The following METTL16 variants were observed in gnomAD, a reference collection of about 807,000 sequenced individuals.
METTL16 encodes methyltransferase 16, RNA N6-adenosine, also known as RNA N(6)-adenosine-methyltransferase METTL16.
In METTL16, 19 loss-of-function variants were observed where a neutral mutation model predicts 57.9. That is an observed-to-expected ratio of 0.33 (90% CI 0.23 to 0.48). The LOEUF (loss-of-function observed/expected upper bound fraction) is 0.48. Among genes scored for constraint, METTL16 ranks in the 20% least tolerant of loss-of-function variants. The pLI is 0.99. For synonymous variants in METTL16, 246 were observed against 255.6 expected (o/e 0.96, Z 0.36); for missense variants, 434 against 691.5 (o/e 0.63, Z 4.18).
At chr17:2,447,614 C>T (rs2067013885) in intron 6 of METTL16, among the ~76,000 whole-genome samples, 1 of 114,180 alleles carries the variant, frequency 8.8e-6, no homozygotes, top group African/African-American at 4.3e-5. Flanking sequence ...GCCGCCCAGT[C>T]CGGGAGGTGA....
intron 6 of METTL16, among the ~76,000 whole-genome samples, chr17:2,442,719 G>A (rs575598695): frequency 6.6e-6 from 1 of 152,260 alleles, no homozygotes; most frequent in East Asian, 1.9e-4. Flanking sequence ...TAAAGGGTGT[G>A]AAGAGGTATA....
At chr17:2,510,364 C>T (rs1464153054) in intron 1 of METTL16, among the ~76,000 whole-genome samples, 2 of 152,136 alleles carry the variant, frequency 1.3e-5, no homozygotes, top group Non-Finnish European at 2.9e-5. Flanking sequence ...TCACCATATC[C>T]TAACAGTGAC....
chr17:2,420,546 T>G lies in METTL16; in HGVS notation c.1113A>C (p.Leu371=). The G allele has an allele frequency of 6.2e-7, 1 of 1,613,534 alleles. No individual in the cohort carries two copies. The highest frequency in any genetic ancestry group is 1.6e-4 in the Middle Eastern group (1 of 6,062). ...PCGKEEVSLF[L]TAIENSWIHL... ...GAATCCAGGAGTTTTCTATGGCCGT[T>G]AGGAAAAGGCTGACTTCCTCTTTTC... The change falls in exon 10 of 10, where the codon CTA becomes CTC. Residue 371 remains leucine, a synonymous_variant. Transcript: ENST00000263092. The surrounding 1 kb of genome is among the most constrained non-coding windows in gnomAD (Gnocchi z 5.4).
chr17:2,444,502 A>G (rs995133821), intron 6 of METTL16, among the ~76,000 whole-genome samples: 2 of 152,140 alleles, frequency 1.3e-5, no homozygotes, highest in African/African-American at 4.8e-5. Flanking sequence ...AAAAATTCCT[A>G]TTGCCTAGTG....
chr17:2,462,297 C>T (rs2067155371), intron 6 of METTL16, among the ~76,000 whole-genome samples: 1 of 152,118 alleles, frequency 6.6e-6, no homozygotes, highest in African/African-American at 2.4e-5. Context: ...AGACAGACAG[C>T]AGAATGATGG....
intron 6 of METTL16, among the ~76,000 whole-genome samples, chr17:2,445,216 C>T (rs1411776967): frequency 6.6e-6 from 1 of 152,070 alleles, no homozygotes; most frequent in Non-Finnish European, 1.5e-5. Context: ...CAAAACTTAC[C>T]ACTGTGCTAA....
At chr17:2,497,284 G>A (rs1266803536) in intron 2 of METTL16, among the ~76,000 whole-genome samples, 1 of 149,286 alleles carries the variant, frequency 6.7e-6, no homozygotes, top group African/African-American at 2.5e-5. Context: ...GGGTTTACAG[G>A]CGTGCGCCAC....
chr17:2,486,668 C>A (rs574752629), intron 2 of METTL16, among the ~76,000 whole-genome samples: 1 of 151,988 alleles, frequency 6.6e-6, no homozygotes, highest in African/African-American at 2.4e-5. Flanking sequence ...TACTGCTATA[C>A]CTGCGTTAAG....
At chr17:2,462,125 G>A (rs989686261) in intron 6 of METTL16, among the ~76,000 whole-genome samples, 12 of 152,088 alleles carry the variant, frequency 7.9e-5, no homozygotes, top group East Asian at 1.9e-4. Context: ...ACGGATAAAC[G>A]AAATGTGGCA....
chr17:2,446,679 G>A (rs1374781073), intron 6 of METTL16, among the ~76,000 whole-genome samples: 6 of 151,016 alleles, frequency 4.0e-5, no homozygotes, highest in South Asian at 2.1e-4. Flanking sequence ...GGACGGTGCT[G>A]CTGCCATCTC....
At chr17:2,451,829 C>A (rs540444707) in intron 6 of METTL16, among the ~76,000 whole-genome samples, 2 of 152,036 alleles carry the variant, frequency 1.3e-5, no homozygotes, top group South Asian at 4.2e-4. Context: ...CTATCAGAAG[C>A]CAAGAAGCGG....
intron 8 of METTL16, among the ~76,000 whole-genome samples, chr17:2,435,019 A>T (rs1454349426): frequency 2.6e-5 from 4 of 152,234 alleles, no homozygotes; most frequent in Non-Finnish European, 5.9e-5. Flanking sequence ...TGGAACAAAG[A>T]GGTAAGTGGC....
chr17:2,473,230 C>T (rs1365403492), intron 4 of METTL16, among the ~76,000 whole-genome samples: 4 of 151,634 alleles, frequency 2.6e-5, no homozygotes, highest in African/African-American at 4.8e-5. Context: ...GGGGTTATAG[C>T]GAATAAAGAA....
intron 4 of METTL16, among the ~76,000 whole-genome samples, chr17:2,468,925 GTGT>G (rs1232317750): frequency 3.0e-5 from 4 of 132,508 alleles, no homozygotes; most frequent in South Asian, 2.5e-4. Context: ...TTGTGTGTGT[GTGT>G]TTTTTTTTTC....
chr17:2,425,477 A>AGC lies in METTL16; in HGVS notation c.889-4575_889-4574dup, dbSNP rs755097441. On this transcript the variant is annotated intron_variant, in intron 8 of 9. Transcript: ENST00000263092. The stretch of plus-strand genomic sequence containing the variant: ...ATTACAATGTGAGAGAAGCCTGGTG[A>AGC]GCAGTCGTAGGTCTGCAGAGACCAC... 6.5e-4 allele frequency among the ~76,000 whole-genome samples: 99 copies of AGC among 152,342 alleles called. 1 individual carries two copies. Among genetic ancestry groups the AGC allele is most frequent in the Non-Finnish European group, 5.4e-4 (37 of 68,036 alleles).
chr17:2,447,412 G>A (rs1219631669), intron 6 of METTL16, among the ~76,000 whole-genome samples: 192 of 139,176 alleles, frequency 1.4e-3, no homozygotes, highest in African/African-American at 5.2e-3. Context: ...AGTGAGGAGC[G>A]TCTCCGCCCG....
chr17:2,420,960 T>A lies in METTL16; in HGVS notation c.889-56A>T. 1 of 1,572,540 alleles carries A rather than the reference T, an allele frequency of 6.4e-7. No homozygotes were observed. The highest frequency in any genetic ancestry group is 1.2e-5 in the South Asian group (1 of 86,900). On this transcript the variant is annotated intron_variant, in intron 8 of 9. Transcript: ENST00000263092. This position sits in a 1 kb window ranked among gnomAD's most constrained non-coding sequence, Gnocchi z 5.4. The stretch of plus-strand genomic sequence containing the variant: ...AGAAAGTTATCCGAATAATTAAACC[T>A]CATGCATTGTAATGAACTCAGAGAA...
At position 2,428,881 on chromosome 17, in the gene METTL16, G is replaced by A. The variant is rs185835272; in HGVS notation, c.889-7977C>T. ...ATTTTACTTTTTTACTTTTTGAGAC[G>A]GAGTTTTGCTCTTGTTGCCCAGGCT... is the stretch of plus-strand genomic sequence containing the variant. On this transcript the variant is annotated intron_variant, in intron 8 of 9. Transcript: ENST00000263092. Among the ~76,000 whole-genome samples, 479 of 152,052 alleles carry A rather than the reference G, an allele frequency of 3.2e-3. 2 individuals are homozygous for A. The highest frequency in any genetic ancestry group is 5.3e-3 in the Non-Finnish European group (363 of 67,976).
In METTL16 at chr17:2,505,584, T is replaced by TA. The variant is rs1399638875; in HGVS notation, c.1-3254dup. Reference sequence around the variant, plus strand: ...TTTTATTTACTTACTTTTATTTCCTTAGAGACTACATTGCCCAGGCCAGAC... The same window carrying TA: ...TTTTATTTACTTACTTTTATTTCCTTAAGAGACTACATTGCCCAGGCCAGAC... On this transcript the variant is annotated intron_variant, in intron 1 of 9. Transcript: ENST00000263092. Among the ~76,000 whole-genome samples the TA allele has an allele frequency of 3.9e-5, 6 of 151,990 alleles. No homozygotes were observed. In the East Asian group the frequency reaches 1.2e-3, roughly 29 times the overall value.
Sources: allele counts gnomAD v4.1 joint callset (sites outside exome capture counted in the v4.1 genomes callset), GRCh38; gene constraint gnomAD v4.1.1; non-coding constraint Gnocchi (gnomAD v3.1); transcripts MANE v1.5; gene names NCBI Gene and HGNC (gene_info 2026-07-23, HGNC 2026-07-21).